Variants in ANKRD46 observed in about 807,000 individuals in gnomAD.
The protein encoded by ANKRD46 is ankyrin repeat domain-containing protein 46.
A neutral mutation model predicts 19.8 loss-of-function variants in ANKRD46; 13 were observed. The ratio of observed to expected loss-of-function variants is 0.66; its 90% confidence interval spans 0.43 to 1.04. The LOEUF (loss-of-function observed/expected upper bound fraction) is 1.04, where lower values mean the gene tolerates loss of function less well. ANKRD46 is among the 50% of genes least tolerant of loss of function. The pLI is 0.00. For missense variants in ANKRD46, 185 were observed against 274.8 expected, an observed-to-expected ratio of 0.67 and a Z score of 2.31; for synonymous variants, 91 against 106.9, an observed-to-expected ratio of 0.85 and a Z score of 0.92.
chr8:100,554,496 A>T (rs1563494131), intron 1 of ANKRD46: 1 of 152,204 alleles, frequency 6.6e-6, no homozygotes, highest in Non-Finnish European at 1.5e-5. Context: ...GAGCAAGAGG[A>T]TCACTTGAGC....
chr8:100,530,981 T>A (rs1024739859), intron 2 of ANKRD46, among the ~76,000 whole-genome samples: 2 of 152,186 alleles, frequency 1.3e-5, no homozygotes, highest in Non-Finnish European at 2.9e-5. Flanking sequence ...CCCACATCTC[T>A]TTCACAGATG....
rs1036547463 is a variant in ANKRD46, at chr8:100,532,677, A to G, written c.-28+532T>C. On this transcript the variant is annotated intron_variant, in intron 2 of 4. Transcript: ENST00000335659. The surrounding 1 kb of genome is among the most constrained non-coding windows in gnomAD (Gnocchi z 4.7). ...CACATAAAATACATAATGATAGCTGATAAGCTTTAAAAAATTGCAAAAAAA... is the reference window on the plus strand; with the variant it reads ...CACATAAAATACATAATGATAGCTGGTAAGCTTTAAAAAATTGCAAAAAAA... Among the ~76,000 whole-genome samples the G allele has an allele frequency of 2.0e-5, 3 of 152,216 alleles. No homozygotes were observed. The highest frequency in any genetic ancestry group is 7.2e-5 in the African/African-American group (3 of 41,458).
intron 1 of ANKRD46, among the ~76,000 whole-genome samples, chr8:100,547,944 C>T (rs1423158616): frequency 6.6e-6 from 1 of 152,152 alleles, no homozygotes; most frequent in Non-Finnish European, 1.5e-5. Flanking sequence ...CCCTCTACCC[C>T]AGTCAATCTC....
rs1812076627 is a variant in ANKRD46 at position 100,536,996 on chromosome 8, G to T, written c.-130-3685C>A. ...GCTTCTTATGTCAACCAGCGTGATTGTCTCAACCCAAACAACAATAAAAAG... is the reference window on the plus strand; with the variant it reads ...GCTTCTTATGTCAACCAGCGTGATTTTCTCAACCCAAACAACAATAAAAAG... On this transcript the variant is annotated intron_variant, in intron 1 of 4. Transcript: ENST00000335659. The surrounding 1 kb of genome is among the most constrained non-coding windows in gnomAD (Gnocchi z 4.9). Among the ~76,000 whole-genome samples, 1 of 152,154 alleles carries T rather than the reference G, an allele frequency of 6.6e-6. No homozygotes were observed. Among genetic ancestry groups the T allele is most frequent in the Non-Finnish European group, 1.5e-5 (1 of 68,034 alleles).
rs1812375718 is a variant in ANKRD46, at chr8:100,550,976, A to G, written c.-131+8735T>C. On this transcript the variant is annotated intron_variant, in intron 1 of 4. Coordinates refer to ENST00000335659, the MANE Select transcript of ANKRD46 (RefSeq NM_001270377.2). This position sits in a 1 kb window ranked among gnomAD's most constrained non-coding sequence, Gnocchi z 4.4. The stretch of plus-strand genomic sequence containing the variant: ...GTCATCATATTTGGCAGGTTTCTCC[A>G]GATGGCAGGTCAGGTCCACAACCAA... 3.5e-6 allele frequency: 2 copies of G among 564,840 alleles called. No individual in the cohort carries two copies. The highest frequency in any genetic ancestry group is 2.1e-5 in the Admixed American group (1 of 47,236). 35.0% of individuals were successfully genotyped at this position (564,840 alleles called of 1,614,324 possible).
Position 100,537,528 on chromosome 8 carries a change from T to G in ANKRD46, c.-130-4217A>C, listed in dbSNP as rs938586339. Among the ~76,000 whole-genome samples the G allele has an allele frequency of 5.9e-5, 9 of 152,246 alleles. No homozygotes were observed. Among genetic ancestry groups the G allele is most frequent in the Non-Finnish European group, 1.3e-4 (9 of 68,036 alleles). Reference sequence around the variant, plus strand: ...CTATCACTTGCTTATTCTTATCCTTTTAAGAGGATACAGCTGTTTCAAAAT... The same window carrying G: ...CTATCACTTGCTTATTCTTATCCTTGTAAGAGGATACAGCTGTTTCAAAAT... On this transcript the variant is annotated intron_variant, in intron 1 of 4. Transcript: ENST00000335659. The surrounding 1 kb of genome is among the most constrained non-coding windows in gnomAD (Gnocchi z 4.2).
intron 5 of ANKRD46, among the ~76,000 whole-genome samples, chr8:100,514,574 A>G (rs1008794921): frequency 1.4e-5 from 2 of 145,046 alleles, no homozygotes; most frequent in Non-Finnish European, 3.0e-5. Flanking sequence ...CTAAGCAGAA[A>G]CAGTGATAGT....
chr8:100,548,618 G>C (rs1812318977), intron 1 of ANKRD46, among the ~76,000 whole-genome samples: 1 of 152,160 alleles, frequency 6.6e-6, no homozygotes, highest in African/African-American at 2.4e-5. Context: ...CACACTAAGT[G>C]CTCAACCTGT....
intron 5 of ANKRD46, among the ~76,000 whole-genome samples, chr8:100,512,960 A>G (rs1460167622): frequency 3.9e-5 from 6 of 152,186 alleles, no homozygotes; most frequent in Admixed American, 1.3e-4. Context: ...TCTGGGCTCT[A>G]TTGAGGCTTT....
In ANKRD46 at chr8:100,538,999, C is replaced by T. The variant is rs16898544; in HGVS notation, c.-130-5688G>A. ...TAGATTCAATGATGTTTTTGGCTAA[C>T]CAAAATGTAAAAAGAATTTTGTGAT... On this transcript the variant is annotated intron_variant, in intron 1 of 4. Coordinates refer to ENST00000335659, the MANE Select transcript of ANKRD46 (RefSeq NM_001270377.2). 7.6e-3 allele frequency among the ~76,000 whole-genome samples: 1,153 copies of T among 152,262 alleles called. 18 individuals are homozygous for T. Among genetic ancestry groups the T allele is most frequent in the African/African-American group, 0.026 (1,071 of 41,550 alleles).
chr8:100,539,089 T>A (rs1812122728), intron 1 of ANKRD46, among the ~76,000 whole-genome samples: 1 of 152,246 alleles, frequency 6.6e-6, no homozygotes, highest in Non-Finnish European at 1.5e-5. Context: ...AGTTTTACTG[T>A]GACGTCAATC....
chr8:100,513,650 A>G (rs933292645), intron 5 of ANKRD46, among the ~76,000 whole-genome samples: 5 of 152,224 alleles, frequency 3.3e-5, no homozygotes, highest in African/African-American at 1.2e-4. Flanking sequence ...AATAAGGTGA[A>G]ATATAGAACT....
Position 100,521,019 on chromosome 8 carries a change from C to A in ANKRD46, c.*1536G>T. On this transcript the variant is annotated 3_prime_UTR_variant, in exon 5 of 5. Coordinates refer to ENST00000335659, the MANE Select transcript of ANKRD46 (RefSeq NM_001270377.2). ...CCATTCCAAAGCCAGCTGTTTTTTG[C>A]TGGATTTACACCAACTATGATTTAC... is the stretch of plus-strand genomic sequence containing the variant. The A allele has an allele frequency of 1.8e-5, 18 of 985,066 alleles. No homozygotes were observed. Among genetic ancestry groups the A allele is most frequent in the Non-Finnish European group, 2.2e-5 (18 of 829,878 alleles). 61.0% of individuals were successfully genotyped at this position (985,066 alleles called of 1,614,324 possible). A position where few individuals can be genotyped will look rare whatever the true frequency, so the allele number is the denominator to read the frequency against.
intron 4 of ANKRD46, 141 bp from the exon 5 acceptor site, chr8:100,522,912 T>G: frequency 3.6e-6 from 2 of 557,134 alleles, no homozygotes; most frequent in Non-Finnish European, 3.1e-6. Context: ...CACATATATA[T>G]ATATACACAC....
Position 100,546,277 on chromosome 8 carries a change from G to GA in ANKRD46, c.-130-12967dup, listed in dbSNP as rs929853881. ...ATCACAGGCCACAAGGCCTAGGAGG[G>GA]AAAAAATGGTTTTGTGGGCTGGGAT... On this transcript the variant is annotated intron_variant, in intron 1 of 4. Transcript: ENST00000335659. The surrounding 1 kb of genome is among the most constrained non-coding windows in gnomAD (Gnocchi z 4.0). Among the ~76,000 whole-genome samples the GA allele has an allele frequency of 2.6e-5, 4 of 152,218 alleles. No homozygotes were observed. Among genetic ancestry groups the GA allele is most frequent in the African/African-American group, 9.6e-5 (4 of 41,472 alleles).
intron 4 of ANKRD46, 125 bp from the exon 5 acceptor site, chr8:100,522,896 CACACACACAT>C: frequency 2.3e-5 from 13 of 568,434 alleles, no homozygotes; most frequent in East Asian, 5.7e-5. Context: ...CACACACACA[CACACACACAT>C]ATATATATAT....
chr8:100,519,850 G>C (rs189410790), downstream of ANKRD46, among the ~76,000 whole-genome samples: 42 of 152,268 alleles, frequency 2.8e-4, 1 homozygote, highest in African/African-American at 9.9e-4. Flanking sequence ...AGCTTGTTGC[G>C]GGGGATGCAT....
At chr8:100,520,587 G>A (rs1195576022), downstream of ANKRD46, among the ~76,000 whole-genome samples, 3 of 151,704 alleles carry the variant, frequency 2.0e-5, no homozygotes, top group Non-Finnish European at 4.4e-5. Context: ...TTAAATCTAC[G>A]AGCAATTCAC....
intron 2 of ANKRD46, among the ~76,000 whole-genome samples, chr8:100,531,699 G>A (rs565099725): frequency 2.6e-5 from 4 of 152,036 alleles, no homozygotes; most frequent in Admixed American, 6.5e-5. Flanking sequence ...GCTGGAGTGC[G>A]GTGGTACAAT....
Sources: allele counts gnomAD v4.1 joint callset (sites outside exome capture counted in the v4.1 genomes callset), GRCh38; gene constraint gnomAD v4.1.1; non-coding constraint Gnocchi (gnomAD v3.1); transcripts MANE v1.5; gene names NCBI Gene and HGNC (gene_info 2026-07-23, HGNC 2026-07-21).